Variants in PSG5 observed in about 807,000 individuals in gnomAD.
PSG5 encodes pregnancy-specific beta-1-glycoprotein 5.
PSG5 carries 53 observed loss-of-function variants against 37.7 expected under a neutral mutation model. The observed-to-expected ratio is 1.41, with a 90% CI of 1.13 to 1.77. The LOEUF (loss-of-function observed/expected upper bound fraction) is 1.77, where lower values mean the gene tolerates loss of function less well. Among genes scored for constraint, PSG5 ranks in the 40% most tolerant of loss-of-function variants. The pLI is 0.00. For synonymous variants in PSG5, 221 were observed against 155.4 expected (o/e 1.42, Z -3.14); for missense variants, 547 against 405.2 (o/e 1.35, Z -3.00).
At position 43,170,058 on chromosome 19, in the gene PSG5, C is replaced by G. The variant is rs1307404657; in HGVS notation, c.*37G>C. 1 of 1,523,742 alleles carries G rather than the reference C, an allele frequency of 6.6e-7. No homozygotes were observed. The highest frequency in any genetic ancestry group is 2.3e-5 in the East Asian group (1 of 42,802). 94.4% of individuals were successfully genotyped at this position (1,523,742 alleles called of 1,614,324 possible). On this transcript the variant is annotated 3_prime_UTR_variant, in exon 5 of 6. Transcript: ENST00000342951. ...ATAAGAGAAAAGGCCATCATACCTG[C>G]CAGTCTTCCTGAAATACAGAAATGA...
At chr19:43,168,926 T>G (rs1191008701) in intron 5 of PSG5, among the ~76,000 whole-genome samples, 3 of 151,576 alleles carry the variant, frequency 2.0e-5, no homozygotes, top group African/African-American at 7.3e-5. Context: ...TGAAAATCAT[T>G]CATTTAGTTT....
chr19:43,184,571 C>T (rs908136333), intron 2 of PSG5, among the ~76,000 whole-genome samples: 11 of 151,480 alleles, frequency 7.3e-5, no homozygotes, highest in Admixed American at 4.6e-4. Flanking sequence ...TCCTCTGCAG[C>T]GAGTGTCTGC....
At chr19:43,170,288 T>C (rs548400272) in intron 4 of PSG5, 150 bp from the exon 5 acceptor site, 2 of 845,416 alleles carry the variant, frequency 2.4e-6, no homozygotes, top group South Asian at 3.4e-5. Context: ...GAGATGATTA[T>C]ATTCTTGCAG....
Position 43,168,888 on chromosome 19 carries a change from G to A in PSG5, c.*41-685C>T, listed in dbSNP as rs558626675. Among the ~76,000 whole-genome samples, 92 of 151,594 alleles carry A rather than the reference G, an allele frequency of 6.1e-4. 1 individual carries two copies. The highest frequency in any genetic ancestry group is 2.0e-3 in the African/African-American group (81 of 41,178). On this transcript the variant is annotated intron_variant, in intron 5 of 5. Coordinates refer to ENST00000342951, the MANE Select transcript of PSG5 (RefSeq NM_002781.4). ...TATAGTCTTATGTATGTTGAAAAAG[G>A]TCCTTAGGTAATTCCAGTACTTCTA...
intron 4 of PSG5, among the ~76,000 whole-genome samples, chr19:43,171,725 T>C (rs1968908819): frequency 6.6e-6 from 1 of 151,284 alleles, no homozygotes; most frequent in Non-Finnish European, 1.5e-5. Flanking sequence ...TCCTAGCACT[T>C]TGGGAGGTCA....
At chr19:43,177,978 G>A (rs757318997) in intron 2 of PSG5, among the ~76,000 whole-genome samples, 2 of 151,516 alleles carry the variant, frequency 1.3e-5, no homozygotes, top group African/African-American at 4.9e-5. Flanking sequence ...TCCTTCTGAT[G>A]TTAACGTGAA....
intron 2 of PSG5, 146 bp downstream of exon 2, chr19:43,184,636 T>G: frequency 6.8e-7 from 1 of 1,469,084 alleles, no homozygotes; most frequent in South Asian, 1.2e-5. Context: ...CTCCTCTGTG[T>G]GTGTCCTGCA....
chr19:43,181,747 C>A (rs776372193), intron 2 of PSG5, among the ~76,000 whole-genome samples: 4 of 151,778 alleles, frequency 2.6e-5, no homozygotes, highest in Non-Finnish European at 4.4e-5. Flanking sequence ...GCCACTGTGC[C>A]CAGCCATCTC....
At chr19:43,183,437 G>A (rs138936030) in intron 2 of PSG5, 72,611 of 527,022 alleles carry the variant, frequency 0.14, 6,686 homozygotes, top group East Asian at 0.37. Context: ...GCTCCTGAGT[G>A]TGTGTCTCTC....
rs776460793 is a variant in PSG5, at chr19:43,186,392, G to A, written c.14C>T (p.Ser5Leu). 7.4e-6 allele frequency: 12 copies of A among 1,612,336 alleles called. No homozygotes were observed. The Admixed American group carries it at 1.8e-4, about 25-fold the overall frequency. Residue 5 changes from serine (S) to leucine (L), a missense_variant, in exon 1 of 6, where the codon TCA becomes TTA. Ser to Leu is a moderately radical substitution (Grantham distance 145). Coordinates refer to ENST00000342951, the MANE Select transcript of PSG5 (RefSeq NM_002781.4). The part of the protein sequence containing the change: MGPL[S>L]APPCTQHITW... ...GATGTGCTGTGTGCAGGGAGGGGCT[G>A]AGAGGGGCCCCATGGTCTCTGCGCC...
Position 43,167,824 on chromosome 19 carries a change from G to C in PSG5, c.*420C>G, listed in dbSNP as rs529417976. On this transcript the variant is annotated 3_prime_UTR_variant, in exon 6 of 6. Transcript: ENST00000342951. ...CCCAATTCTGGGGCACTCAGATAGA[G>C]AGCAAAAGCAAATGTTTCAATTTTT... is the stretch of plus-strand genomic sequence containing the variant. The C allele has an allele frequency of 1.6e-4, 42 of 264,596 alleles. 2 individuals carry two copies. The highest frequency in any genetic ancestry group is 2.4e-4 in the Non-Finnish European group (33 of 139,544). 16.4% of individuals were successfully genotyped at this position (264,596 alleles called of 1,614,324 possible). A position where few individuals can be genotyped will look rare whatever the true frequency, so the allele number is the denominator to read the frequency against.
rs1309404167 is a variant in PSG5 at position 43,185,164 on chromosome 19, G to C, written c.65-17C>G. On this transcript the variant is annotated splice_polypyrimidine_tract_variant and intron_variant, in intron 1 of 5. Transcript: ENST00000342951. ...AAAGTGATGCTAGGAGGTGGAGAAA[G>C]CACCAGTCAATATTGAGACCTGTGT... 6.3e-7 allele frequency: 1 copy of C among 1,584,966 alleles called. No individual in the cohort carries two copies. Among genetic ancestry groups the C allele is most frequent in the Non-Finnish European group, 8.6e-7 (1 of 1,165,164 alleles).
chr19:43,185,215 G>T, intron 1 of PSG5, 68 bp from the exon 2 acceptor site: 2 of 1,495,698 alleles, frequency 1.3e-6, no homozygotes, highest in Non-Finnish European at 1.8e-6. Flanking sequence ...TGGAGCCCTG[G>T]GTCCTGAGAA....
At chr19:43,170,234 T>C (rs2122197652) in intron 4 of PSG5, 96 bp from the exon 5 acceptor site, 1 of 1,115,724 alleles carries the variant, frequency 9.0e-7, no homozygotes, top group Admixed American at 2.0e-5. Flanking sequence ...TACTCTATAA[T>C]TGTTTCTTCA....
At chr19:43,174,589 T>C in intron 4 of PSG5, 7 of 962,156 alleles carry the variant, frequency 7.3e-6, no homozygotes, top group Non-Finnish European at 8.7e-6. Context: ...CTTATTTCCC[T>C]GCAGCCTGGC....
At chr19:43,169,312 T>C (rs765421379) in intron 5 of PSG5, among the ~76,000 whole-genome samples, 15 of 151,706 alleles carry the variant, frequency 9.9e-5, no homozygotes, top group Non-Finnish European at 1.3e-4. Flanking sequence ...TAGGTTGTGT[T>C]CTGAGTCTCA....
At chr19:43,181,465 AT>A (rs977708581) in intron 2 of PSG5, among the ~76,000 whole-genome samples, 6 of 150,094 alleles carry the variant, frequency 4.0e-5, no homozygotes, top group African/African-American at 4.9e-5. Context: ...CTCTAACAGC[AT>A]TTTTTTTTCT....
At chr19:43,177,786 C>G (rs1969042487) in intron 2 of PSG5, among the ~76,000 whole-genome samples, 1 of 151,532 alleles carries the variant, frequency 6.6e-6, no homozygotes. Flanking sequence ...AGGAGTTGCA[C>G]TGTATCTGCA....
chr19:43,186,406 G>A lies in PSG5; in HGVS notation c.-1C>T, dbSNP rs767941172. The A allele has an allele frequency of 1.1e-5, 17 of 1,612,216 alleles. 1 individual carries two copies. In the East Asian group the frequency reaches 3.6e-4, roughly 34 times the overall value. On this transcript the variant is annotated 5_prime_UTR_variant, in exon 1 of 6. Coordinates refer to ENST00000342951, the MANE Select transcript of PSG5 (RefSeq NM_002781.4). ...AGGGAGGGGCTGAGAGGGGCCCCAT[G>A]GTCTCTGCGCCTGCGTGTTCTCCTC...
Sources: gnomAD v4.1 joint callset for allele counts (sites outside exome capture counted in the v4.1 genomes callset) on GRCh38, gnomAD v4.1.1 for gene constraint, MANE v1.5 for transcripts, NCBI Gene and HGNC (gene_info 2026-07-23, HGNC 2026-07-21) for gene names.